Variants in SNX18 observed in about 807,000 individuals in gnomAD.
SNX18 encodes sorting nexin 18.
In SNX18, 35 loss-of-function variants were observed where a neutral mutation model predicts 48.7. The observed-to-expected ratio is 0.72, with a 90% confidence interval of 0.55 to 0.95. SNX18 has a LOEUF of 0.95. Ranked by LOEUF, SNX18 falls within the 40% of genes least tolerant of loss-of-function variation. The pLI, the probability that SNX18 is intolerant of heterozygous loss-of-function variation, is 0.00. For synonymous variants in SNX18, 492 were observed against 384.7 expected (o/e 1.28, Z -3.26); for missense variants, 824 against 871.0 (o/e 0.95, Z 0.68).
At chr5:54,575,730 C>A in the SNX18 span, among the ~76,000 whole-genome samples, 3 of 152,042 alleles carry the variant, frequency 2.0e-5, no homozygotes, top group Non-Finnish European at 4.4e-5. Context: ...TAGCCCCACC[C>A]CACCATACCA....
At chr5:54,595,482 G>A in the SNX18 span, among the ~76,000 whole-genome samples, 1,356 of 152,172 alleles carry the variant, frequency 8.9e-3, 11 homozygotes, top group African/African-American at 0.03. Context: ...TGATCCACCC[G>A]CCTCAGCCTC....
chr5:54,563,622 A>G, the SNX18 span, among the ~76,000 whole-genome samples: 5 of 152,218 alleles, frequency 3.3e-5, no homozygotes, highest in African/African-American at 1.2e-4. Flanking sequence ...GTGAAATGAC[A>G]CATGACTGTA....
At chr5:54,624,114 C>T in the SNX18 span, among the ~76,000 whole-genome samples, 8 of 152,168 alleles carry the variant, frequency 5.3e-5, no homozygotes, top group Admixed American at 2.0e-4. Flanking sequence ...CCATCAACGT[C>T]CCATTCAGCA....
chr5:54,640,854 G>T, the SNX18 span, among the ~76,000 whole-genome samples: 43 of 152,188 alleles, frequency 2.8e-4, no homozygotes, highest in African/African-American at 1.0e-3. Context: ...GAGATCAGGA[G>T]CTCAAGACCG....
chr5:54,575,767 C>T, the SNX18 span, among the ~76,000 whole-genome samples: 1 of 152,166 alleles, frequency 6.6e-6, no homozygotes, highest in African/African-American at 2.4e-5. Flanking sequence ...TCACCAAAGC[C>T]TGGAAATCAA....
the SNX18 span, among the ~76,000 whole-genome samples, chr5:54,639,993 G>T: frequency 3.3e-5 from 5 of 152,230 alleles, no homozygotes; most frequent in South Asian, 1.0e-3. Flanking sequence ...GATTCTGTTG[G>T]GGATCCAGTT....
the SNX18 span, among the ~76,000 whole-genome samples, chr5:54,640,207 ATTCT>A: frequency 2.3e-5 from 3 of 127,992 alleles, no homozygotes; most frequent in African/African-American, 9.4e-5. Context: ...CTAGAAATAG[ATTCT>A]TTTTTTTTTT....
chr5:54,521,320 G>A (rs1387989673), intron 1 of SNX18, among the ~76,000 whole-genome samples: 1 of 152,170 alleles, frequency 6.6e-6, no homozygotes, highest in African/African-American at 2.4e-5. Context: ...TTTGTCAAAT[G>A]GCCTGCTTTT....
At chr5:54,577,886 G>A in the SNX18 span, among the ~76,000 whole-genome samples, 2 of 152,316 alleles carry the variant, frequency 1.3e-5, no homozygotes, top group East Asian at 1.9e-4. Flanking sequence ...CCCAAGAATC[G>A]GGAGGGTCCA....
the SNX18 span, among the ~76,000 whole-genome samples, chr5:54,612,488 C>T: frequency 9.8e-4 from 149 of 152,218 alleles, no homozygotes; most frequent in Non-Finnish European, 1.5e-3. Flanking sequence ...TGGTCTCGAA[C>T]TCCTGACTTC....
chr5:54,517,908 CTCGGGACGCCGGGAG>C lies in SNX18; in HGVS notation c.-37_-23del, dbSNP rs1761895955. On this transcript the variant is annotated 5_prime_UTR_variant, in exon 1 of 2. Transcript: ENST00000381410. Reference sequence around the variant, plus strand: ...CGCGGGCCCCTCAGGTGGGCCTCGGCTCGGGACGCCGGGAGTCGGGACCGCCAGTCGGGGCGCCGG... The same window carrying C: ...CGCGGGCCCCTCAGGTGGGCCTCGGCTCGGGACCGCCAGTCGGGGCGCCGG... 1 of 1,467,182 alleles carries C rather than the reference CTCGGGACGCCGGGAG, an allele frequency of 6.8e-7. No homozygotes were observed. The highest frequency in any genetic ancestry group is 9.0e-7 in the Non-Finnish European group (1 of 1,115,848). 90.9% of individuals were successfully genotyped at this position (1,467,182 alleles called of 1,614,324 possible). A position where few individuals can be genotyped will look rare whatever the true frequency, so the allele number is the denominator to read the frequency against.
chr5:54,620,774 A>T, the SNX18 span, among the ~76,000 whole-genome samples: 1 of 152,176 alleles, frequency 6.6e-6, no homozygotes, highest in Non-Finnish European at 1.5e-5. Context: ...AAGATCAAGG[A>T]GTTGGCCAAC....
At chr5:54,638,553 GTTGT>G in the SNX18 span, among the ~76,000 whole-genome samples, 5 of 152,078 alleles carry the variant, frequency 3.3e-5, no homozygotes, top group African/African-American at 9.7e-5. Context: ...TATCTTCTTT[GTTGT>G]TTGTTTTTTA....
downstream of SNX18, among the ~76,000 whole-genome samples, chr5:54,546,953 A>G (rs1184660106): frequency 2.0e-5 from 3 of 152,254 alleles, no homozygotes; most frequent in Non-Finnish European, 4.4e-5. Flanking sequence ...TCCAACACAC[A>G]TAAGCCAAAA....
the SNX18 span, among the ~76,000 whole-genome samples, chr5:54,632,699 TCA>T: frequency 2.6e-5 from 4 of 152,006 alleles, no homozygotes; most frequent in Admixed American, 2.6e-4. Context: ...TGTGATTTCT[TCA>T]CACACACACT....
rs758239331 is a variant in SNX18 at position 54,523,292 on chromosome 5, T to G, written c.1621+3719T>G. 3.2e-4 allele frequency among the ~76,000 whole-genome samples: 48 copies of G among 152,244 alleles called. 1 individual carries two copies. Among genetic ancestry groups the G allele is most frequent in the Non-Finnish European group, 5.0e-4 (34 of 68,046 alleles). ...AGGAATATATTTTATTATTAGTTTC[T>G]TGGCATATTCAGTTTTGTTTCCAAA... On this transcript the variant is annotated intron_variant, in intron 1 of 1. Coordinates refer to ENST00000381410, the MANE Select transcript of SNX18 (RefSeq NM_001102575.2).
At chr5:54,564,479 C>G in the SNX18 span, among the ~76,000 whole-genome samples, 3 of 152,148 alleles carry the variant, frequency 2.0e-5, no homozygotes, top group African/African-American at 7.2e-5. Context: ...TTAGTATACA[C>G]TTGGTGGCTT....
chr5:54,628,689 G>T, the SNX18 span, among the ~76,000 whole-genome samples: 1 of 152,266 alleles, frequency 6.6e-6, no homozygotes, highest in African/African-American at 2.4e-5. Flanking sequence ...CCTATGACTT[G>T]GCCTCCACCC....
Position 54,518,713 on chromosome 5 carries a change from A to T in SNX18, c.761A>T (p.Asp254Val). 6.3e-7 allele frequency: 1 copy of T among 1,594,644 alleles called. No individual in the cohort carries two copies. The highest frequency in any genetic ancestry group is 8.5e-7 in the Non-Finnish European group (1 of 1,170,560). ...VLGEASGFVK[D>V]GDKLCVVLGP... ...GGGGAGGCGTCAGGCTTCGTGAAGGACGGGGACAAGCTGTGCGTGGTGCTG... is the reference window on the plus strand; with the variant it reads ...GGGGAGGCGTCAGGCTTCGTGAAGGTCGGGGACAAGCTGTGCGTGGTGCTG... Residue 254 changes from aspartate (D) to valine (V), a missense_variant, in exon 1 of 2, where the codon GAC (aspartate) becomes GTC (valine). By Grantham distance (152) the Asp-to-Val change is radical (BLOSUM62 -3). Transcript: ENST00000381410.
Sources: gnomAD v4.1 joint callset for allele counts (sites outside exome capture counted in the v4.1 genomes callset) on GRCh38, gnomAD v4.1.1 for gene constraint, MANE v1.5 for transcripts, NCBI Gene and HGNC (gene_info 2026-07-23, HGNC 2026-07-21) for gene names.